WWOX: variants seen among roughly 807,000 people sequenced by gnomAD.
WWOX encodes the protein WW domain-containing oxidoreductase.
Under a neutral mutation model 46.2 loss-of-function variants are expected in WWOX, and 69 were observed. The ratio of observed to expected loss-of-function variants is 1.49; its 90% confidence interval spans 1.23 to 1.82. The LOEUF is 1.82. Ranked by LOEUF, WWOX falls within the 40% of genes most tolerant of loss-of-function variation. The pLI, the probability that WWOX is intolerant of heterozygous loss-of-function variation, is 0.00. For missense variants in WWOX, 919 were observed against 542.6 expected (o/e 1.69, Z -6.89); for synonymous variants, 359 against 202.6 (o/e 1.77, Z -6.56).
At chr16:78,249,042 A>G (rs1366799921) in intron 5 of WWOX, among the ~76,000 whole-genome samples, 2 of 151,976 alleles carry the variant, frequency 1.3e-5, no homozygotes, top group Admixed American at 1.3e-4. Flanking sequence ...TACTTTTAGT[A>G]GAGATGGAGT....
At chr16:79,092,759 T>C (rs2048989011) in intron 8 of WWOX, among the ~76,000 whole-genome samples, 1 of 152,170 alleles carries the variant, frequency 6.6e-6, no homozygotes, top group Non-Finnish European at 1.5e-5. Flanking sequence ...CTCTCTGGAA[T>C]TAATGTAAAC....
At chr16:78,930,666 A>G (rs1597166100) in intron 8 of WWOX, among the ~76,000 whole-genome samples, 1 of 151,346 alleles carries the variant, frequency 6.6e-6, no homozygotes, top group African/African-American at 2.4e-5. Flanking sequence ...TGTTAATTGC[A>G]GTTAATCCTA....
chr16:79,170,792 A>T (rs1161530249), intron 8 of WWOX, among the ~76,000 whole-genome samples: 1 of 152,114 alleles, frequency 6.6e-6, no homozygotes, highest in East Asian at 1.9e-4. Flanking sequence ...TTGCAAGGTC[A>T]TCCTTTTTTA....
chr16:78,575,482 C>G (rs770780794), intron 8 of WWOX, among the ~76,000 whole-genome samples: 6 of 151,936 alleles, frequency 3.9e-5, no homozygotes, highest in Non-Finnish European at 7.4e-5. Context: ...AGGATGTCTG[C>G]ATGGAGGACA....
chr16:79,177,179 A>C (rs1457097450), intron 8 of WWOX, among the ~76,000 whole-genome samples: 1 of 152,064 alleles, frequency 6.6e-6, no homozygotes, highest in Non-Finnish European at 1.5e-5. Flanking sequence ...TGAAGTTCAC[A>C]TTGAAGTGTG....
At chr16:78,780,877 A>G (rs1032413108) in intron 8 of WWOX, among the ~76,000 whole-genome samples, 1 of 152,150 alleles carries the variant, frequency 6.6e-6, no homozygotes, top group Non-Finnish European at 1.5e-5. Flanking sequence ...CAGGGCAGTG[A>G]TGTTTTTTAA....
intron 8 of WWOX, among the ~76,000 whole-genome samples, chr16:78,762,045 A>G (rs1262277778): frequency 6.6e-6 from 1 of 152,172 alleles, no homozygotes; most frequent in Non-Finnish European, 1.5e-5. Context: ...TATTACTCCT[A>G]TTTGGTGTCA....
intron 8 of WWOX, among the ~76,000 whole-genome samples, chr16:78,599,480 C>A (rs189980554): frequency 1.3e-4 from 20 of 152,302 alleles, no homozygotes; most frequent in Non-Finnish European, 2.8e-4. Context: ...GCCCCTCTGA[C>A]TGGTGTTTTT....
chr16:78,840,797 C>T (rs370134289), intron 8 of WWOX, among the ~76,000 whole-genome samples: 1 of 150,568 alleles, frequency 6.6e-6, no homozygotes, highest in African/African-American at 2.4e-5. Context: ...ATTGTGGGCA[C>T]TTAGTAGGTA....
At chr16:78,938,739 G>A (rs972694534) in intron 8 of WWOX, among the ~76,000 whole-genome samples, 1 of 152,170 alleles carries the variant, frequency 6.6e-6, no homozygotes, top group Non-Finnish European at 1.5e-5. Flanking sequence ...GTGAATGAAT[G>A]AGTGAGCAAG....
intron 8 of WWOX, among the ~76,000 whole-genome samples, chr16:79,051,135 A>C (rs565999126): frequency 1.3e-5 from 2 of 152,304 alleles, no homozygotes; most frequent in South Asian, 4.2e-4. Flanking sequence ...GGGTTGTTTC[A>C]TGCTGATCAG....
chr16:79,125,693 C>T (rs143478685), intron 8 of WWOX, among the ~76,000 whole-genome samples: 28 of 152,164 alleles, frequency 1.8e-4, no homozygotes, highest in Non-Finnish European at 3.5e-4. Context: ...CAAGTGTCAA[C>T]AATGTTGACA....
chr16:78,757,424 AC>A (rs1472091962), intron 8 of WWOX, among the ~76,000 whole-genome samples: 1 of 151,992 alleles, frequency 6.6e-6, no homozygotes, highest in Non-Finnish European at 1.5e-5. Context: ...TTGCTTCTGT[AC>A]CTCTTGCCTC....
chr16:78,138,358 A>G (rs1369719608), intron 4 of WWOX, among the ~76,000 whole-genome samples: 1 of 138,808 alleles, frequency 7.2e-6, no homozygotes, highest in Non-Finnish European at 1.6e-5. Flanking sequence ...GTTTTTTATA[A>G]TGCTTCAGGA....
intron 8 of WWOX, among the ~76,000 whole-genome samples, chr16:79,040,032 A>G (rs972608555): frequency 2.0e-5 from 3 of 152,170 alleles, no homozygotes; most frequent in South Asian, 2.1e-4. Context: ...CCCTTGGGCA[A>G]TTAGCATCAC....
chr16:78,607,533 C>G (rs1341736197), intron 8 of WWOX, among the ~76,000 whole-genome samples: 2 of 152,216 alleles, frequency 1.3e-5, no homozygotes, highest in South Asian at 2.1e-4. Flanking sequence ...ACACCTGAAA[C>G]CAACCAAAGG....
intron 8 of WWOX, among the ~76,000 whole-genome samples, chr16:78,440,452 A>G (rs1237674511): frequency 6.6e-6 from 1 of 152,160 alleles, no homozygotes; most frequent in Non-Finnish European, 1.5e-5. Context: ...CTCAGATTAT[A>G]TGAAGCTCTC....
chr16:78,747,571 C>T (rs1433174250), intron 8 of WWOX, among the ~76,000 whole-genome samples: 1 of 152,168 alleles, frequency 6.6e-6, no homozygotes, highest in Non-Finnish European at 1.5e-5. Context: ...CTAAGAGAGC[C>T]TTGGCAAGCT....
chr16:78,941,489 G>A (rs1034091842), intron 8 of WWOX, among the ~76,000 whole-genome samples: 1 of 151,090 alleles, frequency 6.6e-6, no homozygotes, highest in Non-Finnish European at 1.5e-5. Flanking sequence ...AGTAGAGGGT[G>A]AAAACATTAT....
Sources: allele counts gnomAD v4.1 joint callset (sites outside exome capture counted in the v4.1 genomes callset), GRCh38; gene constraint gnomAD v4.1.1; transcripts MANE v1.5; gene names NCBI Gene and HGNC (gene_info 2026-07-23, HGNC 2026-07-21).